OR4P4: variants seen among roughly 807,000 people sequenced by gnomAD.
OR4P4 encodes the protein olfactory receptor family 4 subfamily P member 4.
OR4P4 carries 1 observed loss-of-function variant against 2.1 expected under a neutral mutation model. The ratio of observed to expected loss-of-function variants is 0.47; its 90% CI spans 0.17 to 2.21. The LOEUF (loss-of-function observed/expected upper bound fraction) is 2.21, where lower values mean the gene tolerates loss of function less well. Ranked by LOEUF, OR4P4 falls within the 30% of genes most tolerant of loss-of-function variation. The pLI is 0.27. For synonymous variants in OR4P4, 129 were observed against 133.2 expected, an observed-to-expected ratio of 0.97 and a Z score of 0.22; for missense variants, 375 against 376.5, an observed-to-expected ratio of 1.00 and a Z score of 0.03.
At chr11:55,638,062 T>C (rs1858409000) in intron 1 of OR4P4, among the ~76,000 whole-genome samples, 1 of 138,014 alleles carries the variant, frequency 7.2e-6, no homozygotes, top group Non-Finnish European at 1.6e-5. Flanking sequence ...TTCCCTATGA[T>C]AGAATTTTAA....
exon 2 of OR4P4, chr11:55,639,016 T>C: frequency 1.3e-6 from 2 of 1,492,192 alleles, no homozygotes; most frequent in Non-Finnish European, 1.8e-6. Context: ...GTTTTTATAT[T>C]GTATACCATC....
intron 1 of OR4P4, among the ~76,000 whole-genome samples, chr11:55,636,245 T>A (rs1858387213): frequency 7.3e-6 from 1 of 137,716 alleles, no homozygotes; most frequent in South Asian, 2.4e-4. Flanking sequence ...AGTATTGCTA[T>A]TCATGTTTGG....
In OR4P4 at chr11:55,638,490, A is replaced by T. The variant is rs138057898; in HGVS notation, c.133A>T (p.Ile45Phe). Residue 45 changes from isoleucine (I) to phenylalanine (F), a missense_variant, in exon 2 of 2, where the codon ATT (isoleucine) becomes TTT (phenylalanine). Ile to Phe is a conservative substitution (Grantham distance 21, BLOSUM62 0). Coordinates refer to ENST00000641760, the Ensembl canonical transcript of OR4P4. ...TTGGATGGGAAACTTACTCATAATG[A>T]TTTCTATCACGTGCACCCAGCTCAT... 9.5e-6 allele frequency: 14 copies of T among 1,480,930 alleles called. 2 individuals carry two copies. In the African/African-American group the frequency reaches 1.9e-4, roughly 20 times the overall value. The allele number at this position is 1,480,930 out of a possible 1,614,324, so 91.7% of individuals were successfully genotyped here. A position where few individuals can be genotyped will look rare whatever the true frequency, so the allele number is the denominator to read the frequency against.
At chr11:55,635,442 G>T (rs1244534180) in intron 1 of OR4P4, among the ~76,000 whole-genome samples, 1 of 136,862 alleles carries the variant, frequency 7.3e-6, no homozygotes, top group Admixed American at 8.0e-5. Flanking sequence ...TTTTTTTTAT[G>T]GGGTGGCCTC....
intron 1 of OR4P4, among the ~76,000 whole-genome samples, chr11:55,637,494 T>C (rs1254050658): frequency 1.5e-5 from 2 of 137,916 alleles, no homozygotes; most frequent in Non-Finnish European, 3.2e-5. Flanking sequence ...ATTCTAGTTC[T>C]TGAAATTCCA....
chr11:55,636,554 T>C lies in OR4P4; in HGVS notation c.-31+1338T>C, dbSNP rs536561675. Reference sequence around the variant, plus strand: ...ATGTTCAGTTTATCCCGTGTGAGTTTTCTTACTTTCACATGGACATATGGT... The same window carrying C: ...ATGTTCAGTTTATCCCGTGTGAGTTCTCTTACTTTCACATGGACATATGGT... On this transcript the variant is annotated intron_variant, in intron 1 of 1. Coordinates refer to ENST00000641760, the Ensembl canonical transcript of OR4P4. 2.6e-4 allele frequency among the ~76,000 whole-genome samples: 36 copies of C among 137,712 alleles called. 4 individuals carry two copies. The highest frequency in any genetic ancestry group is 8.0e-4 in the African/African-American group (32 of 39,948). 90.3% of individuals were successfully genotyped at this position (137,712 alleles called of 152,430 possible). A position where few individuals can be genotyped will look rare whatever the true frequency, so the allele number is the denominator to read the frequency against.
At chr11:55,638,561 C>T in exon 2 of OR4P4, 4 of 1,480,198 alleles carry the variant, frequency 2.7e-6, no homozygotes, top group Non-Finnish European at 9.2e-7. Flanking sequence ...CACTCTCCGA[C>T]CTTTGCTACA....
chr11:55,639,450 A>C lies in OR4P4; in HGVS notation c.*154A>C. 3 of 509,580 alleles carry C rather than the reference A, an allele frequency of 5.9e-6. 1 individual carries two copies. The East Asian group carries it at 1.0e-4, about 17-fold the overall frequency. 31.6% of individuals were successfully genotyped at this position (509,580 alleles called of 1,614,324 possible). On this transcript the variant is annotated 3_prime_UTR_variant, in exon 2 of 2. Transcript: ENST00000641760. ...CTTCTACATTGACATCTCTTTAACA[A>C]ATTGAACATTATTCTTATCCATACT...
At chr11:55,636,131 C>T (rs10897117) in intron 1 of OR4P4, among the ~76,000 whole-genome samples, 44,743 of 136,230 alleles carry the variant, frequency 0.33, 12,686 homozygotes, top group East Asian at 0.5. Flanking sequence ...GAAACATATG[C>T]GCCAAGAATA....
Position 55,635,423 on chromosome 11 carries a change from C to T in OR4P4, c.-31+207C>T, listed in dbSNP as rs530913792. Among the ~76,000 whole-genome samples, 7 of 137,578 alleles carry T rather than the reference C, an allele frequency of 5.1e-5. 1 individual carries two copies. The highest frequency in any genetic ancestry group is 1.8e-4 in the African/African-American group (7 of 39,840). 90.3% of individuals were successfully genotyped at this position (137,578 alleles called of 152,430 possible). On this transcript the variant is annotated intron_variant, in intron 1 of 1. Transcript: ENST00000641760. ...GAAAACAAGGCAAGTACTCCTCTTG[C>T]CTTCAAACTTTTTTTTATGGGGTGG...
exon 2 of OR4P4, chr11:55,638,547 C>T (rs1416828168): frequency 2.7e-6 from 4 of 1,481,356 alleles, no homozygotes; most frequent in Non-Finnish European, 2.8e-6. Flanking sequence ...CCTCAATTAC[C>T]TCTCACTCTC....
chr11:55,638,281 G>T (rs1429489213), intron 1 of OR4P4, 47 bp from the exon 2 acceptor site: 1 of 700,680 alleles, frequency 1.4e-6, no homozygotes, highest in African/African-American at 1.8e-5. Flanking sequence ...TATGATCATT[G>T]TACTTCTTAA....
Position 55,636,015 on chromosome 11 carries a change from G to A in OR4P4, c.-31+799G>A, listed in dbSNP as rs1222206112. 2.9e-5 allele frequency among the ~76,000 whole-genome samples: 4 copies of A among 137,748 alleles called. 1 individual carries two copies. Among genetic ancestry groups the A allele is most frequent in the Non-Finnish European group, 4.9e-5 (3 of 61,710 alleles). 90.4% of individuals were successfully genotyped at this position (137,748 alleles called of 152,430 possible). Reference sequence around the variant, plus strand: ...AGGGACATGCTGTTACAACTCTTGAGAGATAGCCTGAAAAACTTTGACAAA... The same window carrying A: ...AGGGACATGCTGTTACAACTCTTGAAAGATAGCCTGAAAAACTTTGACAAA... On this transcript the variant is annotated intron_variant, in intron 1 of 1. Transcript: ENST00000641760.
rs758562891 is a variant in OR4P4, at chr11:55,639,226, C to T, written c.869C>T (p.Thr290Ile). 36 of 1,488,602 alleles carry T rather than the reference C, an allele frequency of 2.4e-5. 9 individuals carry two copies. The Middle Eastern group carries it at 9.5e-4, about 39-fold the overall frequency. 92.2% of individuals were successfully genotyped at this position (1,488,602 alleles called of 1,614,324 possible). Residue 290 changes from threonine to isoleucine, a missense_variant, in exon 2 of 2, where the codon ACA becomes ATA. Thr to Ile is a moderately conservative substitution (Grantham distance 89, BLOSUM62 -1). Coordinates refer to ENST00000641760, the Ensembl canonical transcript of OR4P4. ...CCTCTCATATACACGCTGAGAAACA[C>T]AGAGATGAAGAACGCCATGAGGAAA...
In OR4P4 at chr11:55,637,128, A is replaced by T. The variant is rs1374836600; in HGVS notation, c.-30-1200A>T. ...CAAAACCAAGACAACAATTATAGGG[A>T]TTCAAATTACGTTGTTAGTAAACTT... On this transcript the variant is annotated intron_variant, in intron 1 of 1. Transcript: ENST00000641760. Among the ~76,000 whole-genome samples, 3 of 138,186 alleles carry T rather than the reference A, an allele frequency of 2.2e-5. 1 individual carries two copies. The highest frequency in any genetic ancestry group is 4.8e-5 in the Non-Finnish European group (3 of 61,912). 90.7% of individuals were successfully genotyped at this position (138,186 alleles called of 152,430 possible). A position where few individuals can be genotyped will look rare whatever the true frequency, so the allele number is the denominator to read the frequency against.
At chr11:55,639,619 G>A in exon 2 of OR4P4, 1 of 211,688 alleles carries the variant, frequency 4.7e-6, no homozygotes, top group Non-Finnish European at 9.1e-6. Context: ...GTTCTGAGAA[G>A]ATCAATGAAA....
chr11:55,637,255 G>A (rs1858399537), intron 1 of OR4P4, among the ~76,000 whole-genome samples: 1 of 138,334 alleles, frequency 7.2e-6, no homozygotes, highest in African/African-American at 2.5e-5. Flanking sequence ...TAATATGCTT[G>A]TTGGGGTTAA....
chr11:55,638,975 G>C (rs534192345), exon 2 of OR4P4: 1 of 1,487,212 alleles, frequency 6.7e-7, no homozygotes, highest in South Asian at 1.2e-5. Context: ...TAATTGCTTT[G>C]GTGACATTTG....
Position 55,638,774 on chromosome 11 carries a change from TA to T in OR4P4, c.419del (p.Asn140ThrfsTer5). On this transcript the variant is annotated frameshift_variant, in exon 2 of 2. Coordinates refer to ENST00000641760, the Ensembl canonical transcript of OR4P4. LOFTEE classifies it low-confidence loss of function (END_TRUNC). ...CCATTATTATGAGCAGGCAAAAGTG[TA>T]ACACAATCATCATAGTTTGTTGTAC... The T allele has an allele frequency of 1.3e-6, 2 of 1,492,856 alleles. 1 individual carries two copies. The highest frequency in any genetic ancestry group is 1.8e-6 in the Non-Finnish European group (2 of 1,097,878). 92.5% of individuals were successfully genotyped at this position (1,492,856 alleles called of 1,614,324 possible). A position where few individuals can be genotyped will look rare whatever the true frequency, so the allele number is the denominator to read the frequency against.
Sources: gnomAD v4.1 joint callset for allele counts (sites outside exome capture counted in the v4.1 genomes callset) on GRCh38, gnomAD v4.1.1 for gene constraint, MANE v1.5 for transcripts, NCBI Gene and HGNC (gene_info 2026-07-23, HGNC 2026-07-21) for gene names.